AHCYL2: variants seen among roughly 807,000 people sequenced by gnomAD.
The protein encoded by AHCYL2 is adenosylhomocysteinase like 2.
Under a neutral mutation model 81.4 loss-of-function variants are expected in AHCYL2, and 28 were observed. The ratio of observed to expected loss-of-function variants is 0.34; its 90% CI spans 0.25 to 0.47. AHCYL2 has a LOEUF of 0.47. Ranked by LOEUF, AHCYL2 falls within the 20% of genes least tolerant of loss-of-function variation. AHCYL2 has a pLI of 1.00. For missense variants in AHCYL2, 551 were observed against 785.1 expected, an observed-to-expected ratio of 0.70 and a Z score of 3.56; for synonymous variants, 272 against 290.2, an observed-to-expected ratio of 0.94 and a Z score of 0.64.
Position 129,416,749 on chromosome 7 carries a change from A to C in AHCYL2, c.1461+3061A>C, listed in dbSNP as rs1174435556. On this transcript the variant is annotated intron_variant, in intron 12 of 16. Coordinates refer to ENST00000325006, the MANE Select transcript of AHCYL2 (RefSeq NM_015328.4). ...CGAGAGGCGGAGATTGCAGTGAGCC[A>C]AGATCGCACCATTGCACTCCAGCCT... Among the ~76,000 whole-genome samples the C allele has an allele frequency of 2.0e-5, 3 of 152,110 alleles. No homozygotes were observed. In the East Asian group the frequency reaches 5.8e-4, roughly 29 times the overall value.
intron 1 of AHCYL2, among the ~76,000 whole-genome samples, chr7:129,315,759 C>T (rs1477434291): frequency 2.0e-5 from 3 of 151,832 alleles, no homozygotes; most frequent in Admixed American, 6.6e-5. Context: ...AACAGTTACT[C>T]GAAGGAGGAG....
chr7:129,398,295 G>A (rs1056930417), intron 5 of AHCYL2, among the ~76,000 whole-genome samples: 2 of 151,164 alleles, frequency 1.3e-5, no homozygotes, highest in Non-Finnish European at 3.0e-5. Flanking sequence ...ACAGGTGTGA[G>A]CCACCATGCC....
At chr7:129,266,535 A>G (rs1795817334) in intron 1 of AHCYL2, among the ~76,000 whole-genome samples, 1 of 146,818 alleles carries the variant, frequency 6.8e-6, no homozygotes, top group Admixed American at 6.8e-5. Context: ...GTCCCCCGCC[A>G]AAAAAAAAAA....
At chr7:129,305,664 T>C (rs1445487091) in intron 1 of AHCYL2, among the ~76,000 whole-genome samples, 4 of 152,206 alleles carry the variant, frequency 2.6e-5, no homozygotes, top group Non-Finnish European at 1.5e-5. Flanking sequence ...GAATCTGTGT[T>C]CTTCTGTGTA....
At chr7:129,350,393 T>C (rs928098939) in intron 1 of AHCYL2, among the ~76,000 whole-genome samples, 3 of 151,990 alleles carry the variant, frequency 2.0e-5, no homozygotes, top group African/African-American at 7.2e-5. Flanking sequence ...TCTTTTTTTT[T>C]TTTTTTGGAG....
chr7:129,237,388 T>G (rs1196065304), intron 1 of AHCYL2, among the ~76,000 whole-genome samples: 5 of 152,222 alleles, frequency 3.3e-5, no homozygotes, highest in Admixed American at 3.3e-4. Flanking sequence ...TAACTTGTCT[T>G]TCTTAACTAT....
chr7:129,301,078 C>G (rs1482147961), intron 1 of AHCYL2, among the ~76,000 whole-genome samples: 1 of 152,196 alleles, frequency 6.6e-6, no homozygotes, highest in Admixed American at 6.5e-5. Context: ...CTTGGCCTCC[C>G]TAAGTGCTAG....
At chr7:129,300,273 C>T (rs1797213734) in intron 1 of AHCYL2, among the ~76,000 whole-genome samples, 1 of 152,104 alleles carries the variant, frequency 6.6e-6, no homozygotes, top group Non-Finnish European at 1.5e-5. Flanking sequence ...GAGCCATCCC[C>T]GCCTCCCCCC....
intron 1 of AHCYL2, among the ~76,000 whole-genome samples, chr7:129,275,469 T>A (rs1796168050): frequency 6.6e-6 from 1 of 152,102 alleles, no homozygotes; most frequent in South Asian, 2.1e-4. Flanking sequence ...TCCAAGTCTA[T>A]GCAGTTTGTA....
intron 1 of AHCYL2, among the ~76,000 whole-genome samples, chr7:129,258,950 G>A (rs1795523671): frequency 6.6e-6 from 1 of 152,176 alleles, no homozygotes; most frequent in Non-Finnish European, 1.5e-5. Flanking sequence ...CTAGAGCTGA[G>A]TAGCATTTTG....
intron 1 of AHCYL2, among the ~76,000 whole-genome samples, chr7:129,286,907 A>G (rs1314953046): frequency 1.3e-5 from 2 of 152,210 alleles, no homozygotes; most frequent in Admixed American, 6.5e-5. Flanking sequence ...TAAACCCGCC[A>G]TGTGTTATTT....
intron 1 of AHCYL2, among the ~76,000 whole-genome samples, chr7:129,237,578 GATTAGTTT>G (rs1563161598): frequency 6.6e-6 from 1 of 151,236 alleles, no homozygotes; most frequent in Admixed American, 6.6e-5. Context: ...TGTTTATGTA[GATTAGTTT>G]ATGTTTTGAC....
chr7:129,353,037 C>A (rs1793622466), intron 1 of AHCYL2, among the ~76,000 whole-genome samples: 1 of 150,704 alleles, frequency 6.6e-6, no homozygotes, highest in Admixed American at 6.6e-5. Flanking sequence ...CCTCTGCCTC[C>A]CGGGTTCAAG....
chr7:129,402,526 C>T (rs1462219903), intron 6 of AHCYL2, among the ~76,000 whole-genome samples: 3 of 152,162 alleles, frequency 2.0e-5, no homozygotes, highest in Non-Finnish European at 4.4e-5. Context: ...CAGAGTCCTG[C>T]TAAACACTTC....
Position 129,225,262 on chromosome 7 carries a change from C to T in AHCYL2, c.186C>T (p.Val62=). Reference sequence around the variant, plus strand: ...CTCCCGCCGCGGAGCGGCCCCCGGTCCCCGGCCCGGGCTCGGGGCCCGCCG... The same window carrying T: ...CTCCCGCCGCGGAGCGGCCCCCGGTTCCCGGCCCGGGCTCGGGGCCCGCCG... ...APAPAAERPP[V]PGPGSGPAAA... The change falls in exon 1 of 17, where the codon GTC becomes GTT. Residue 62 remains valine, a synonymous_variant. Transcript: ENST00000325006. The T allele has an allele frequency of 6.9e-7, 1 of 1,455,124 alleles. No homozygotes were observed. Among genetic ancestry groups the T allele is most frequent in the East Asian group, 3.0e-5 (1 of 33,860 alleles). The allele number at this position is 1,455,124 out of a possible 1,614,324, so 90.1% of individuals were successfully genotyped here.
intron 1 of AHCYL2, among the ~76,000 whole-genome samples, chr7:129,338,888 C>G (rs1239897442): frequency 1.3e-5 from 2 of 152,122 alleles, no homozygotes; most frequent in Non-Finnish European, 2.9e-5. Flanking sequence ...TAGTTTGTGT[C>G]ACATATAGGC....
intron 1 of AHCYL2, chr7:129,375,752 C>A: frequency 1.3e-6 from 2 of 1,494,262 alleles, no homozygotes; most frequent in Non-Finnish European, 8.9e-7. Context: ...CCCCCACTCC[C>A]CAGCCCAAAA....
intron 1 of AHCYL2, among the ~76,000 whole-genome samples, chr7:129,252,109 A>G (rs1310259307): frequency 1.3e-5 from 2 of 151,900 alleles, no homozygotes; most frequent in African/African-American, 4.8e-5. Context: ...TTTCTAACAT[A>G]CTCTCTCCCT....
chr7:129,392,290 T>C (rs1413211257), intron 4 of AHCYL2, among the ~76,000 whole-genome samples: 1 of 152,204 alleles, frequency 6.6e-6, no homozygotes, highest in Non-Finnish European at 1.5e-5. Flanking sequence ...TTAGACTGGG[T>C]AATTAATAAA....
Sources: allele counts gnomAD v4.1 joint callset (sites outside exome capture counted in the v4.1 genomes callset), GRCh38; gene constraint gnomAD v4.1.1; transcripts MANE v1.5; gene names NCBI Gene and HGNC (gene_info 2026-07-23, HGNC 2026-07-21).